Variants in ATG13 observed in about 807,000 individuals in gnomAD.
The protein encoded by ATG13 is autophagy-related protein 13.
ATG13 carries 23 observed loss-of-function variants against 65.5 expected under a neutral mutation model. The ratio of observed to expected loss-of-function variants is 0.35; its 90% CI spans 0.25 to 0.50. The LOEUF (loss-of-function observed/expected upper bound fraction) is 0.50. ATG13 is among the 20% of genes least tolerant of loss of function. ATG13 has a pLI of 0.98. For synonymous variants in ATG13, 252 were observed against 245.2 expected (o/e 1.03, Z -0.26); for missense variants, 566 against 677.0 (o/e 0.84, Z 1.82).
At position 46,671,752 on chromosome 11, in the gene ATG13, T is replaced by A. The variant is rs200628915; in HGVS notation, c.1576-503T>A. On this transcript the variant is annotated intron_variant, in intron 18 of 18. Coordinates refer to ENST00000683050, the MANE Select transcript of ATG13 (RefSeq NM_001346311.2). ...GCGAGACTCTGTCTCAAGAAAAAAA[T>A]TTAAAAATACAGATTCCTAGGCCTT... 4.6e-5 allele frequency among the ~76,000 whole-genome samples: 7 copies of A among 152,122 alleles called. No homozygotes were observed. The East Asian group carries it at 1.4e-3, about 29-fold the overall frequency.
intron 14 of ATG13, among the ~76,000 whole-genome samples, chr11:46,667,494 G>A (rs951930524): frequency 5.3e-5 from 8 of 152,210 alleles, no homozygotes; most frequent in Non-Finnish European, 8.8e-5. Context: ...TGTCAAGGGT[G>A]AAGAGATCTC....
At chr11:46,661,353 C>T (rs1158741770) in intron 11 of ATG13, among the ~76,000 whole-genome samples, 3 of 151,314 alleles carry the variant, frequency 2.0e-5, no homozygotes, top group Non-Finnish European at 4.4e-5. Context: ...CCCCTCTTTA[C>T]TGAAAATACA....
At chr11:46,636,557 CAAAAAAAAA>C (rs374517009) in intron 2 of ATG13, among the ~76,000 whole-genome samples, 1 of 47,302 alleles carries the variant, frequency 2.1e-5, no homozygotes, top group South Asian at 9.6e-4. Context: ...GACTCCGTCT[CAAAAAAAAA>C]AAAAAAAAAA....
At position 46,659,804 on chromosome 11, in the gene ATG13, C is replaced by G. The variant is rs931579652; in HGVS notation, c.789+319C>G. Reference sequence around the variant, plus strand: ...TAACTTACACTTGTTAACTTCATAGCTACTTCTCTATTGAGTGGTAAATTT... The same window carrying G: ...TAACTTACACTTGTTAACTTCATAGGTACTTCTCTATTGAGTGGTAAATTT... On this transcript the variant is annotated intron_variant, in intron 11 of 18. Coordinates refer to ENST00000683050, the MANE Select transcript of ATG13 (RefSeq NM_001346311.2). 19 of 218,920 alleles carry G rather than the reference C, an allele frequency of 8.7e-5. No homozygotes were observed. The South Asian group carries it at 1.6e-3, about 18-fold the overall frequency. The allele number at this position is 218,920 out of a possible 1,614,324, so 13.6% of individuals were successfully genotyped here.
intron 17 of ATG13, 56 bp from the exon 18 acceptor site, chr11:46,669,348 G>C: frequency 6.3e-7 from 1 of 1,599,964 alleles, no homozygotes; most frequent in Non-Finnish European, 8.5e-7. Flanking sequence ...CTTGTTCATA[G>C]CTTATCTCCT....
chr11:46,670,933 G>A (rs1426529435), intron 18 of ATG13, among the ~76,000 whole-genome samples: 2 of 152,180 alleles, frequency 1.3e-5, no homozygotes, highest in African/African-American at 4.8e-5. Context: ...GTTTACAGAT[G>A]AGAAAACCAA....
chr11:46,646,053 G>T (rs2057440447), intron 5 of ATG13, 64 bp downstream of exon 5: 1 of 1,593,358 alleles, frequency 6.3e-7, no homozygotes, highest in Non-Finnish European at 8.6e-7. Context: ...TCTGAGTCCA[G>T]TTCATTTCTC....
chr11:46,657,454 C>A, intron 9 of ATG13, 70 bp from the exon 10 acceptor site: 1 of 1,409,386 alleles, frequency 7.1e-7, no homozygotes, highest in Non-Finnish European at 1.0e-6. Flanking sequence ...AGGTGAGGGG[C>A]CCTCTGAGGA....
intron 1 of ATG13, among the ~76,000 whole-genome samples, chr11:46,628,587 A>G (rs980258155): frequency 3.3e-5 from 5 of 152,138 alleles, no homozygotes; most frequent in African/African-American, 9.7e-5. Flanking sequence ...TGTTGTTAAT[A>G]TGCCAGGAAT....
At chr11:46,672,107 T>G (rs1183412956) in intron 18 of ATG13, 148 bp from the exon 19 acceptor site, 5 of 1,256,342 alleles carry the variant, frequency 4.0e-6, no homozygotes, top group Non-Finnish European at 5.6e-6. Flanking sequence ...ACCCTGTGCC[T>G]ACGCAGCTGC....
Position 46,672,451 on chromosome 11 carries a change from C to A in ATG13, c.*119C>A. On this transcript the variant is annotated 3_prime_UTR_variant, in exon 19 of 19. Coordinates refer to ENST00000683050, the MANE Select transcript of ATG13 (RefSeq NM_001346311.2). ...CTGAGCCAGGTGGAAGGGAGGCTGG[C>A]TTCTCCCATGGGGACCCAGAAGTCC... 1 of 1,575,604 alleles carries A rather than the reference C, an allele frequency of 6.3e-7. No homozygotes were observed. Among genetic ancestry groups the A allele is most frequent in the Non-Finnish European group, 8.6e-7 (1 of 1,160,636 alleles).
rs1013328946 is a variant in ATG13, at chr11:46,673,782, A to G, written c.*1450A>G. The G allele has an allele frequency of 2.6e-5, 4 of 152,228 alleles. No individual in the cohort carries two copies. Among genetic ancestry groups the G allele is most frequent in the African/African-American group, 9.7e-5 (4 of 41,434 alleles). 9.4% of individuals were successfully genotyped at this position (152,228 alleles called of 1,614,324 possible). A position where few individuals can be genotyped will look rare whatever the true frequency, so the allele number is the denominator to read the frequency against. On this transcript the variant is annotated 3_prime_UTR_variant, in exon 19 of 19. Transcript: ENST00000683050. ...CCCAGCCTCGCTGGTAGTCCTGGTC[A>G]AGGAGATCTAGGTCTACTCCATTCC...
intron 4 of ATG13, 108 bp downstream of exon 4, chr11:46,645,527 T>G: frequency 1.1e-6 from 1 of 909,794 alleles, no homozygotes. Context: ...ATTATAAAAG[T>G]AAAATATCTA....
In ATG13 at chr11:46,656,286, G is replaced by A. The variant is rs547945733; in HGVS notation, c.499+13G>A. On this transcript the variant is annotated intron_variant, in intron 8 of 18. Transcript: ENST00000683050. ...GGCTTAGGAGAAGGTATGTATCAAC[G>A]GTTGAAAAACATCGTAGTGTTCAGA... 5.0e-6 allele frequency: 8 copies of A among 1,608,536 alleles called. No individual in the cohort carries two copies. The highest frequency in any genetic ancestry group is 2.2e-5 in the South Asian group (2 of 90,936).
At chr11:46,629,876 T>C (rs184732833) in intron 1 of ATG13, 169 bp from the exon 2 acceptor site, 16 of 152,346 alleles carry the variant, frequency 1.1e-4, no homozygotes, top group Admixed American at 9.2e-4. Flanking sequence ...TTTATTTATT[T>C]ATTTATTCAT....
chr11:46,628,610 A>G (rs927469220), intron 1 of ATG13, among the ~76,000 whole-genome samples: 1 of 152,194 alleles, frequency 6.6e-6, no homozygotes, highest in Non-Finnish European at 1.5e-5. Flanking sequence ...TTACTCAGAA[A>G]AACTGAATTT....
intron 11 of ATG13, 44 bp from the exon 12 acceptor site, chr11:46,663,953 T>TTTTTTTTTTTTTTTTTTTTC: frequency 8.7e-7 from 1 of 1,151,478 alleles, no homozygotes; most frequent in Non-Finnish European, 1.2e-6. Flanking sequence ...TTCTTTTTTT[T>TTTTTTTTTTTTTTTTTTTTC]TTTTTTTTTT....
At chr11:46,635,220 G>A (rs2053542337) in intron 2 of ATG13, among the ~76,000 whole-genome samples, 1 of 150,272 alleles carries the variant, frequency 6.7e-6, no homozygotes, top group Admixed American at 6.6e-5. Context: ...TGGCCAGGCT[G>A]GTCTCGAACT....
In ATG13 at chr11:46,662,541, A is replaced by T. The variant is rs182491281; in HGVS notation, c.790-1456A>T. On this transcript the variant is annotated intron_variant, in intron 11 of 18. Coordinates refer to ENST00000683050, the MANE Select transcript of ATG13 (RefSeq NM_001346311.2). ...TCTTATTGTGTCTTATTGCAATTTAAAACTAGATCACACCAAATTCTTATC... is the reference window on the plus strand; with the variant it reads ...TCTTATTGTGTCTTATTGCAATTTATAACTAGATCACACCAAATTCTTATC... 1.7e-3 allele frequency among the ~76,000 whole-genome samples: 255 copies of T among 152,304 alleles called. 1 individual carries two copies. Among genetic ancestry groups the T allele is most frequent in the Non-Finnish European group, 3.0e-3 (204 of 68,024 alleles).
Sources: allele counts gnomAD v4.1 joint callset (sites outside exome capture counted in the v4.1 genomes callset), GRCh38; gene constraint gnomAD v4.1.1; transcripts MANE v1.5; gene names NCBI Gene and HGNC (gene_info 2026-07-23, HGNC 2026-07-21).